TMEM250: variants seen among roughly 807,000 people sequenced by gnomAD.
TMEM250 encodes the protein transmembrane protein 250, also known as herpes virus UL25-binding protein.
A neutral mutation model predicts 7.0 loss-of-function variants in TMEM250; 7 were observed. That is an observed-to-expected ratio of 1.00 (90% CI 0.57 to 1.87). The LOEUF (loss-of-function observed/expected upper bound fraction) is 1.87. Ranked by LOEUF, TMEM250 falls within the 40% of genes most tolerant of loss-of-function variation. TMEM250 has a pLI of 0.00. For synonymous variants in TMEM250, 135 were observed against 96.7 expected (o/e 1.40, Z -2.32); for missense variants, 196 against 202.5 (o/e 0.97, Z 0.19).
Position 136,116,362 on chromosome 9 carries a change from G to T in TMEM250, c.*119C>A. On this transcript the variant is annotated 3_prime_UTR_variant, in exon 2 of 2. Transcript: ENST00000418388. Reference sequence around the variant, plus strand: ...CTCAGCCCTTTCTTTTCTCTCCGTGGGCGCCGGGCAGCAGCGACTGCCTGG... The same window carrying T: ...CTCAGCCCTTTCTTTTCTCTCCGTGTGCGCCGGGCAGCAGCGACTGCCTGG... 1 of 1,433,120 alleles carries T rather than the reference G, an allele frequency of 7.0e-7. No homozygotes were observed. Among genetic ancestry groups the T allele is most frequent in the South Asian group, 1.5e-5 (1 of 67,556 alleles). 88.8% of individuals were successfully genotyped at this position (1,433,120 alleles called of 1,614,324 possible).
Position 136,116,648 on chromosome 9 carries a change from G to T in TMEM250, c.253C>A (p.Arg85Ser), listed in dbSNP as rs763001457. The T allele has an allele frequency of 1.9e-6, 3 of 1,611,230 alleles. No homozygotes were observed. Among genetic ancestry groups the T allele is most frequent in the South Asian group, 2.2e-5 (2 of 91,070 alleles). ...TTGCGCTGGAAGCGCAGCAGGACGC[G>T]AACGCCCAGGTACTGTAGGCAGAAG... ...ALFCLQYLGV[R>S]VLLRFQRKLS... Residue 85 changes from arginine to serine, a missense_variant, in exon 2 of 2, where the codon CGC becomes AGC. Coordinates refer to ENST00000418388, the MANE Select transcript of TMEM250 (RefSeq NM_152833.3).
Position 136,116,425 on chromosome 9 carries a change from A to G in TMEM250, c.*56T>C. ...GGGAAGGCGCTGGCCGACCCCACCC[A>G]TGGAGAGAACACAGCCACAGGCCGG... On this transcript the variant is annotated 3_prime_UTR_variant, in exon 2 of 2. Coordinates refer to ENST00000418388, the MANE Select transcript of TMEM250 (RefSeq NM_152833.3). 6.8e-7 allele frequency: 1 copy of G among 1,464,674 alleles called. No individual in the cohort carries two copies. The allele number at this position is 1,464,674 out of a possible 1,614,324, so 90.7% of individuals were successfully genotyped here.
In TMEM250 at chr9:136,115,643, A is replaced by C. The variant is rs964361992; in HGVS notation, c.*838T>G. The C allele has an allele frequency of 1.3e-5, 2 of 153,924 alleles. No homozygotes were observed. Among genetic ancestry groups the C allele is most frequent in the East Asian group, 3.8e-4 (2 of 5,238 alleles). 9.5% of individuals were successfully genotyped at this position (153,924 alleles called of 1,614,324 possible). ...AGAGGCCCAAAGCCCTCCCCCGCAA[A>C]AAAAGCCAGAAAGGAATGGAGGTGC... is the stretch of plus-strand genomic sequence containing the variant. On this transcript the variant is annotated 3_prime_UTR_variant, in exon 2 of 2. Coordinates refer to ENST00000418388, the MANE Select transcript of TMEM250 (RefSeq NM_152833.3).
chr9:136,116,525 C>A lies in TMEM250; in HGVS notation c.376G>T (p.Val126Phe). ...ATGAAGCACCAGCCCAGGCCCCCGA[C>A]CAGCAGCATGGTGACGTGGATGCCA... ...VYGIHVTMLL[V>F]GGLGWCFMVF... The change falls in exon 2 of 2, where the codon GTC becomes TTC. Residue 126 changes from valine to phenylalanine, a missense_variant. By Grantham distance (50) the Val-to-Phe change is conservative (BLOSUM62 -1). Coordinates refer to ENST00000418388, the MANE Select transcript of TMEM250 (RefSeq NM_152833.3). The A allele has an allele frequency of 1.3e-6, 2 of 1,585,752 alleles. No homozygotes were observed. The highest frequency in any genetic ancestry group is 1.1e-5 in the South Asian group (1 of 89,466).
chr9:136,116,377 C>G lies in TMEM250; in HGVS notation c.*104G>C. 7.0e-7 allele frequency: 1 copy of G among 1,427,476 alleles called. No individual in the cohort carries two copies. The highest frequency in any genetic ancestry group is 2.6e-4 in the Middle Eastern group (1 of 3,868). 88.4% of individuals were successfully genotyped at this position (1,427,476 alleles called of 1,614,324 possible). On this transcript the variant is annotated 3_prime_UTR_variant, in exon 2 of 2. Coordinates refer to ENST00000418388, the MANE Select transcript of TMEM250 (RefSeq NM_152833.3). ...TCTCTCCGTGGGCGCCGGGCAGCAGCGACTGCCTGGGGGATGGGCGAAGGG... is the reference window on the plus strand; with the variant it reads ...TCTCTCCGTGGGCGCCGGGCAGCAGGGACTGCCTGGGGGATGGGCGAAGGG...
chr9:136,118,044 GA>G (rs1362518470), intron 1 of TMEM250: 5 of 152,408 alleles, frequency 3.3e-5, no homozygotes, highest in Admixed American at 2.0e-4. Flanking sequence ...GGGGCCGCCT[GA>G]CCCTCCCGTG....
At position 136,116,322 on chromosome 9, in the gene TMEM250, C is replaced by A. The variant is rs1830699487; in HGVS notation, c.*159G>T. 14 of 1,397,358 alleles carry A rather than the reference C, an allele frequency of 1.0e-5. No homozygotes were observed. In the Admixed American group the frequency reaches 2.6e-4, roughly 26 times the overall value. The allele number at this position is 1,397,358 out of a possible 1,614,324, so 86.6% of individuals were successfully genotyped here. On this transcript the variant is annotated 3_prime_UTR_variant, in exon 2 of 2. Coordinates refer to ENST00000418388, the MANE Select transcript of TMEM250 (RefSeq NM_152833.3). ...GCCAGCCTAGGGGTGGTGTCCGCGC[C>A]CCCATCACAGAAGTCTCAGCCCTTT...
rs559032243 is a variant in TMEM250 at position 136,116,591 on chromosome 9, G to A, written c.310C>T (p.Arg104Trp). 4 of 1,603,334 alleles carry A rather than the reference G, an allele frequency of 2.5e-6. No homozygotes were observed. The highest frequency in any genetic ancestry group is 1.3e-5 in the African/African-American group (1 of 75,042). Reference sequence around the variant, plus strand: ...TTCACCAGGCGGAAGTCCACGCGCCGGCGGCCCAGCAGCAGCAGCAGCACC... The same window carrying A: ...TTCACCAGGCGGAAGTCCACGCGCCAGCGGCCCAGCAGCAGCAGCAGCACC... ...LSVLLLLLGR[R>W]RVDFRLVNEL... is the part of the protein sequence containing the mutation. The change falls in exon 2 of 2, where the codon CGG becomes TGG. Residue 104 changes from arginine to tryptophan, a missense_variant. Coordinates refer to ENST00000418388, the MANE Select transcript of TMEM250 (RefSeq NM_152833.3).
Position 136,116,928 on chromosome 9 carries a change from C to A in TMEM250, c.-28G>T. On this transcript the variant is annotated 5_prime_UTR_variant, in exon 2 of 2. Coordinates refer to ENST00000418388, the MANE Select transcript of TMEM250 (RefSeq NM_152833.3). The stretch of plus-strand genomic sequence containing the variant: ...GGCCCCGGCGGCGGCGGCGCTAGGT[C>A]GCAGTGGCGGCGGCGGTGTCCAGGC... The A allele has an allele frequency of 6.9e-7, 1 of 1,442,728 alleles. No individual in the cohort carries two copies. Among genetic ancestry groups the A allele is most frequent in the South Asian group, 1.4e-5 (1 of 69,106 alleles). The allele number at this position is 1,442,728 out of a possible 1,614,324, so 89.4% of individuals were successfully genotyped here. A position where few individuals can be genotyped will look rare whatever the true frequency, so the allele number is the denominator to read the frequency against.
Position 136,116,811 on chromosome 9 carries a change from G to A in TMEM250, c.90C>T (p.Ala30=). 6.2e-7 allele frequency: 1 copy of A among 1,610,386 alleles called. No homozygotes were observed. Among genetic ancestry groups the A allele is most frequent in the South Asian group, 1.1e-5 (1 of 91,004 alleles). The part of the protein sequence containing the change: ...CLHAACGPVR[A]SHLARTKYNN... Reference sequence around the variant, plus strand: ...TGTACTTGGTGCGGGCCAGGTGGGAGGCGCGCACGGGCCCGCAGGCCGCAT... The same window carrying A: ...TGTACTTGGTGCGGGCCAGGTGGGAAGCGCGCACGGGCCCGCAGGCCGCAT... Residue 30 remains alanine, a synonymous_variant, in exon 2 of 2, where the codon GCC becomes GCT. Transcript: ENST00000418388.
rs1227801360 is a variant in TMEM250 at position 136,116,638 on chromosome 9, A to G, written c.263T>C (p.Leu88Pro). ...CACCGACAGCTTGCGCTGGAAGCGC[A>G]GCAGGACGCGAACGCCCAGGTACTG... is the stretch of plus-strand genomic sequence containing the variant. ...CLQYLGVRVL[L>P]RFQRKLSVLL... Residue 88 changes from leucine (L) to proline (P), a missense_variant, in exon 2 of 2, where the codon CTG becomes CCG. Coordinates refer to ENST00000418388, the MANE Select transcript of TMEM250 (RefSeq NM_152833.3). 2 of 1,610,608 alleles carry G rather than the reference A, an allele frequency of 1.2e-6. No individual in the cohort carries two copies. The highest frequency in any genetic ancestry group is 1.7e-6 in the Non-Finnish European group (2 of 1,179,664).
intron 1 of TMEM250, chr9:136,118,044 G>A (rs879394163): frequency 1.3e-5 from 2 of 152,408 alleles, no homozygotes; most frequent in African/African-American, 2.4e-5. Flanking sequence ...GGGGCCGCCT[G>A]ACCCTCCCGT....
Position 136,116,168 on chromosome 9 carries a change from GGAGA to G in TMEM250, c.*309_*312del. On this transcript the variant is annotated 3_prime_UTR_variant, in exon 2 of 2. Coordinates refer to ENST00000418388, the MANE Select transcript of TMEM250 (RefSeq NM_152833.3). ...TAAAGTCCCTGGCAGCTGTGGTCCT[GGAGA>G]GAGGCCCACAGAGAGGCGGAACGGA... 2 of 515,396 alleles carry G rather than the reference GGAGA, an allele frequency of 3.9e-6. No homozygotes were observed. Among genetic ancestry groups the G allele is most frequent in the Non-Finnish European group, 6.8e-6 (2 of 295,170 alleles). The allele number at this position is 515,396 out of a possible 1,614,324, so 31.9% of individuals were successfully genotyped here. A position where few individuals can be genotyped will look rare whatever the true frequency, so the allele number is the denominator to read the frequency against.
Position 136,116,760 on chromosome 9 carries a change from C to T in TMEM250, c.141G>A (p.Thr47=), listed in dbSNP as rs117582746. 1.1e-3 allele frequency: 1,838 copies of T among 1,612,460 alleles called. 31 individuals are homozygous for T. In the East Asian group the frequency reaches 0.033, roughly 29 times the overall value. The change falls in exon 2 of 2, where the codon ACG becomes ACA. Residue 47 remains threonine, a synonymous_variant. Transcript: ENST00000418388. ...AGCGGATGAAGCCGTACAGCCAGCG[C>T]GTCTTGATGTACACGTCGAAGTTGT... ...KYNNFDVYIK[T]RWLYGFIRFL... is the part of the protein sequence containing the mutation.
intron 1 of TMEM250, 109 bp downstream of exon 1, chr9:136,118,376 G>C (rs1830757238): frequency 6.6e-6 from 1 of 151,998 alleles, no homozygotes; most frequent in African/African-American, 2.4e-5. Flanking sequence ...GCCGCGCCGC[G>C]CCGGGCCCCC....
At position 136,116,732 on chromosome 9, in the gene TMEM250, G is replaced by A. The variant is rs765966711; in HGVS notation, c.169C>T (p.Leu57=). 2 of 1,612,552 alleles carry A rather than the reference G, an allele frequency of 1.2e-6. No individual in the cohort carries two copies. The highest frequency in any genetic ancestry group is 1.7e-6 in the Non-Finnish European group (2 of 1,179,750). Residue 57 remains leucine, a synonymous_variant, in exon 2 of 2, where the codon CTA becomes TTA. Coordinates refer to ENST00000418388, the MANE Select transcript of TMEM250 (RefSeq NM_152833.3). ...AACAGGCTGCAGCTAAAGTAGAGTA[G>A]GAAGCGGATGAAGCCGTACAGCCAG... ...TRWLYGFIRF[L]LYFSCSLFTA...
intron 1 of TMEM250, 90 bp from the exon 2 acceptor site, chr9:136,117,114 T>A: frequency 1.4e-6 from 1 of 738,194 alleles, no homozygotes. Context: ...GGACACAAAC[T>A]CCAGCACCAG....
Position 136,116,212 on chromosome 9 carries a change from G to A in TMEM250, c.*269C>T. ...GGCGGAACGGAGGGCCCACCCCGCA[G>A]TACGACCCGAAGACATGTGAGCAGG... On this transcript the variant is annotated 3_prime_UTR_variant, in exon 2 of 2. Transcript: ENST00000418388. The A allele has an allele frequency of 1.7e-6, 1 of 582,382 alleles. No individual in the cohort carries two copies. The highest frequency in any genetic ancestry group is 2.8e-5 in the South Asian group (1 of 36,344). The allele number at this position is 582,382 out of a possible 1,614,324, so 36.1% of individuals were successfully genotyped here.
At position 136,116,117 on chromosome 9, in the gene TMEM250, G is replaced by A. The variant is rs1830695520; in HGVS notation, c.*364C>T. ...TGCTCCTGGGCACACAGCCCTCTGT[G>A]TCCAGGGGCCTCCCAGGGTGATGTC... On this transcript the variant is annotated 3_prime_UTR_variant, in exon 2 of 2. Transcript: ENST00000418388. The A allele has an allele frequency of 2.2e-6, 1 of 447,164 alleles. No homozygotes were observed. The highest frequency in any genetic ancestry group is 6.2e-5 in the South Asian group (1 of 16,126). The allele number at this position is 447,164 out of a possible 1,614,324, so 27.7% of individuals were successfully genotyped here.
Sources: gnomAD v4.1 joint callset for allele counts on GRCh38, gnomAD v4.1.1 for gene constraint, MANE v1.5 for transcripts, NCBI Gene and HGNC (gene_info 2026-07-23, HGNC 2026-07-21) for gene names.